ATP2B4: variants seen among roughly 807,000 people sequenced by gnomAD.
ATP2B4 encodes ATPase plasma membrane Ca2+ transporting 4.
In ATP2B4, 39 loss-of-function variants were observed where a neutral mutation model predicts 110.3. The ratio of observed to expected loss-of-function variants is 0.35; its 90% CI spans 0.27 to 0.46. The LOEUF is 0.46. ATP2B4 is among the 20% of genes least tolerant of loss of function. The pLI, the probability that ATP2B4 is intolerant of heterozygous loss-of-function variation, is 1.00. For missense variants in ATP2B4, 1,135 were observed against 1,530.9 expected, an observed-to-expected ratio of 0.74 and a Z score of 4.32; for synonymous variants, 538 against 571.7, an observed-to-expected ratio of 0.94 and a Z score of 0.84.
In ATP2B4 at chr1:203,719,721, TATAA is replaced by T. The variant is rs34272522; in HGVS notation, c.2407-797_2407-794del. On this transcript the variant is annotated intron_variant, in intron 15 of 20. Transcript: ENST00000357681. ...CAGAGGGAGACTCTGTCTCAAAAAC[TATAA>T]ATAAATAAATAAATAAATAAATAAA... Among the ~76,000 whole-genome samples the T allele has an allele frequency of 2.3e-3, 333 of 146,292 alleles. 2 individuals carry two copies. The highest frequency in any genetic ancestry group is 6.9e-3 in the Middle Eastern group (2 of 288).
chr1:203,629,959 G>A lies in ATP2B4; in HGVS notation c.-465+2740G>A, dbSNP rs1663213700. 6.6e-6 allele frequency among the ~76,000 whole-genome samples: 1 copy of A among 152,142 alleles called. No homozygotes were observed. On this transcript the variant is annotated intron_variant, in intron 1 of 20. Coordinates refer to ENST00000357681, the MANE Select transcript of ATP2B4 (RefSeq NM_001684.5). The surrounding 1 kb of genome is among the most constrained non-coding windows in gnomAD (Gnocchi z 4.6). ...CCTGACGCCAGCGAGTTCCTAACCCGCCGTCTGGCCTCCAGTTTCCCCTCT... is the reference window on the plus strand; with the variant it reads ...CCTGACGCCAGCGAGTTCCTAACCCACCGTCTGGCCTCCAGTTTCCCCTCT...
chr1:203,671,205 T>C (rs993818414), intron 1 of ATP2B4, among the ~76,000 whole-genome samples: 1 of 152,364 alleles, frequency 6.6e-6, no homozygotes, highest in Admixed American at 6.5e-5. Context: ...TGACGACCTA[T>C]AGCATATTTA....
rs764289603 is a variant in ATP2B4, at chr1:203,739,656, G to C, written c.3420G>C (p.Glu1140Asp). ...FMTHPEFAIE[E>D]ELPRTPLLDE... is the part of the protein sequence containing the mutation. ...CCCACCCTGAATTCGCCATAGAGGA[G>C]GAGTTGCCACGAACACCACTCCTGG... Residue 1140 changes from glutamate (E) to aspartate (D), a missense_variant, in exon 21 of 21, where the codon GAG becomes GAC. Physicochemically the swap from Glu to Asp is conservative, Grantham distance 45. Around this residue, in one of 9 missense-constraint regions of ATP2B4, gnomAD observed 92 missense variants for 82.5 expected, o/e 1.11. Transcript: ENST00000357681. 6.2e-7 allele frequency: 1 copy of C among 1,614,132 alleles called. No individual in the cohort carries two copies. Among genetic ancestry groups the C allele is most frequent in the Non-Finnish European group, 8.5e-7 (1 of 1,180,028 alleles).
rs764631446 is a variant in ATP2B4, at chr1:203,739,784, C to T, written c.3548C>T (p.Ala1183Val). 22 of 1,614,072 alleles carry T rather than the reference C, an allele frequency of 1.4e-5. No homozygotes were observed. Among genetic ancestry groups the T allele is most frequent in the South Asian group, 3.3e-5 (3 of 91,092 alleles). The stretch of plus-strand genomic sequence containing the variant: ...CCATATGCCAATACAAACAACAATG[C>T]GGTGGATTGCAACCAAGTGCAGCTC... Reference protein sequence around the residue: ...VTPYANTNNNAVDCNQVQLPQ... With the variant: ...VTPYANTNNNVVDCNQVQLPQ... Residue 1183 changes from alanine (A) to valine (V), a missense_variant, in exon 21 of 21, where the codon GCG (alanine) becomes GTG (valine). Coordinates refer to ENST00000357681, the MANE Select transcript of ATP2B4 (RefSeq NM_001684.5).
rs749276537 is a variant in ATP2B4, at chr1:203,711,004, C to T, written c.1927C>T (p.Arg643Trp). ...DGLRTICIAY[R>W]DFDDTEPSWD... is the part of the protein sequence containing the mutation. The stretch of plus-strand genomic sequence containing the variant: ...ACTCCGGACTATCTGCATAGCTTAC[C>T]GGGACTTCGATGACACAGAGCCCTC... The change falls in exon 12 of 21, where the codon CGG becomes TGG. Residue 643 changes from arginine to tryptophan, a missense_variant. By Grantham distance (101) the Arg-to-Trp change is moderately radical. Around this residue, in one of 9 missense-constraint regions of ATP2B4, gnomAD observed 368 missense variants for 455.9 expected, o/e 0.81. Transcript: ENST00000357681. 10 of 1,614,060 alleles carry T rather than the reference C, an allele frequency of 6.2e-6. No homozygotes were observed. Among genetic ancestry groups the T allele is most frequent in the African/African-American group, 1.3e-5 (1 of 75,004 alleles).
intron 1 of ATP2B4, among the ~76,000 whole-genome samples, chr1:203,645,401 C>T (rs1663764035): frequency 6.6e-6 from 1 of 152,132 alleles, no homozygotes; most frequent in Admixed American, 6.5e-5. Context: ...ATATGCTTTT[C>T]TTCTGCTAGT....
intron 1 of ATP2B4, among the ~76,000 whole-genome samples, chr1:203,636,598 G>T (rs958838701): frequency 7.9e-5 from 12 of 152,202 alleles, no homozygotes; most frequent in Admixed American, 1.3e-4. Flanking sequence ...GGGCTGCCAG[G>T]CTTGCCAGAA....
At chr1:203,650,557 GCTGGTAGCCAGCTGAGCCCGGCGC>G (rs1188719774) in intron 1 of ATP2B4, among the ~76,000 whole-genome samples, 1 of 152,076 alleles carries the variant, frequency 6.6e-6, no homozygotes, top group Non-Finnish European at 1.5e-5. Context: ...CCCGGGCCGC[GCTGGTAGCCAGCTGAGCCCGGCGC>G]CTGCGGCTGA....
chr1:203,723,500 C>A (rs114037945), intron 18 of ATP2B4, among the ~76,000 whole-genome samples: 2 of 147,010 alleles, frequency 1.4e-5, no homozygotes, highest in African/African-American at 5.1e-5. Context: ...CCCCCTCCCC[C>A]AGGGGGAGTG....
At position 203,729,074 on chromosome 1, in the gene ATP2B4, C is replaced by A. The variant is rs142231719; in HGVS notation, c.3309+1503C>A. Among the ~76,000 whole-genome samples the A allele has an allele frequency of 1.9e-3, 283 of 151,662 alleles. 3 individuals carry two copies. The East Asian group carries it at 0.028, about 15-fold the overall frequency. ...CGGAGGTTGCAGTGAGCTGAGACCA[C>A]ACCATTGCACTCCAGCCTGGGTGAC... On this transcript the variant is annotated intron_variant, in intron 20 of 20. Transcript: ENST00000357681.
In ATP2B4 at chr1:203,698,363, C is replaced by G. The variant is rs1393163056; in HGVS notation, c.391+9C>G. The G allele has an allele frequency of 6.2e-7, 1 of 1,613,624 alleles. No individual in the cohort carries two copies. Reference sequence around the variant, plus strand: ...TGGTGAAGAAAATGAACGTGAGTGTCCTAAACAGCTCAGCGTGACTCTTAT... The same window carrying G: ...TGGTGAAGAAAATGAACGTGAGTGTGCTAAACAGCTCAGCGTGACTCTTAT... On this transcript the variant is annotated intron_variant, in intron 3 of 20. Transcript: ENST00000357681.
intron 2 of ATP2B4, among the ~76,000 whole-genome samples, chr1:203,686,696 T>TTC (rs1665198716): frequency 1.5e-5 from 2 of 132,910 alleles, no homozygotes; most frequent in Non-Finnish European, 1.6e-5. Flanking sequence ...TTTTTTTTTT[T>TTC]TTTTTTTTTT....
At chr1:203,649,893 G>A (rs907788579) in intron 1 of ATP2B4, among the ~76,000 whole-genome samples, 7 of 152,178 alleles carry the variant, frequency 4.6e-5, no homozygotes, top group African/African-American at 1.4e-4. Context: ...TGTCACACTC[G>A]CCACTCTGGG....
chr1:203,673,619 C>A (rs1664739796), intron 1 of ATP2B4, among the ~76,000 whole-genome samples: 1 of 152,188 alleles, frequency 6.6e-6, no homozygotes, highest in African/African-American at 2.4e-5. Context: ...ACAGGTGAGA[C>A]TGTCAGAGTG....
At chr1:203,642,841 C>T (rs1362836558) in intron 1 of ATP2B4, among the ~76,000 whole-genome samples, 1 of 152,136 alleles carries the variant, frequency 6.6e-6, no homozygotes, top group Non-Finnish European at 1.5e-5. Flanking sequence ...GACTCAATTT[C>T]CTCTGGAAAA....
Position 203,740,000 on chromosome 1 carries a change from A to C in ATP2B4, c.*146A>C. The C allele has an allele frequency of 1.1e-6, 1 of 874,940 alleles. No homozygotes were observed. The highest frequency in any genetic ancestry group is 1.7e-5 in the African/African-American group (1 of 58,684). 54.2% of individuals were successfully genotyped at this position (874,940 alleles called of 1,614,324 possible). ...TGAAGTGAACCTCTACCTGACCATG[A>C]AGAGGCAAGAGCACAGACTTACAAG... On this transcript the variant is annotated 3_prime_UTR_variant, in exon 21 of 21. Transcript: ENST00000357681.
rs757683376 is a variant in ATP2B4 at position 203,702,038 on chromosome 1, A to G, written c.902-6A>G. ...GACCCCACTTTTTTCTTTCTTGTTC[A>G]AACAGGTAAAAAACAAGGAGTCCCT... On this transcript the variant is annotated splice_polypyrimidine_tract_variant and splice_region_variant and intron_variant, in intron 6 of 20. Coordinates refer to ENST00000357681, the MANE Select transcript of ATP2B4 (RefSeq NM_001684.5). The G allele has an allele frequency of 3.0e-5, 49 of 1,613,944 alleles. No homozygotes were observed. The Admixed American group carries it at 3.7e-4, about 12-fold the overall frequency.
At chr1:203,634,210 G>A (rs1266826552) in intron 1 of ATP2B4, among the ~76,000 whole-genome samples, 3 of 152,142 alleles carry the variant, frequency 2.0e-5, no homozygotes, top group African/African-American at 7.2e-5. Flanking sequence ...TTTTTGTAGT[G>A]TAAACATTTA....
rs541359350 is a variant in ATP2B4 at position 203,628,113 on chromosome 1, G to C, written c.-465+894G>C. 2.6e-4 allele frequency among the ~76,000 whole-genome samples: 40 copies of C among 152,320 alleles called. 1 individual carries two copies. In the South Asian group the frequency reaches 8.1e-3, roughly 31 times the overall value. The stretch of plus-strand genomic sequence containing the variant: ...GTTTGGCAGATGGGGTGGGCCACAG[G>C]CATCTGTGGAAGGATCCCTGAGCGT... On this transcript the variant is annotated intron_variant, in intron 1 of 20. Transcript: ENST00000357681.
Sources: allele counts gnomAD v4.1 joint callset (sites outside exome capture counted in the v4.1 genomes callset), GRCh38; gene constraint gnomAD v4.1.1; regional missense constraint gnomAD v4.1.1; non-coding constraint Gnocchi (gnomAD v3.1); transcripts MANE v1.5; gene names NCBI Gene and HGNC (gene_info 2026-07-23, HGNC 2026-07-21).